PTPRT: variants seen among roughly 807,000 people sequenced by gnomAD.
PTPRT encodes the protein receptor-type tyrosine-protein phosphatase T.
In PTPRT, 56 loss-of-function variants were observed where a neutral mutation model predicts 176.8. That is an observed-to-expected ratio of 0.32 (90% CI 0.26 to 0.40). The LOEUF is 0.40. Ranked by LOEUF, PTPRT falls within the 10% of genes least tolerant of loss-of-function variation. The pLI, the probability that PTPRT is intolerant of heterozygous loss-of-function variation, is 1.00. For missense variants in PTPRT, 1,540 were observed against 1,908.2 expected, an observed-to-expected ratio of 0.81 and a Z score of 3.60; for synonymous variants, 783 against 739.0, an observed-to-expected ratio of 1.06 and a Z score of -0.96.
At chr20:43,003,445 T>C (rs1984694439) in intron 1 of PTPRT, among the ~76,000 whole-genome samples, 1 of 152,154 alleles carries the variant, frequency 6.6e-6, no homozygotes, top group African/African-American at 2.4e-5. Flanking sequence ...CAAGCTCTCC[T>C]CCAACCTCAA....
chr20:42,481,750 CT>C (rs1428457559), intron 7 of PTPRT, among the ~76,000 whole-genome samples: 1 of 150,096 alleles, frequency 6.7e-6, no homozygotes, highest in East Asian at 2.0e-4. Context: ...GACCGTGTCT[CT>C]AAAAGAAAAA....
intron 6 of PTPRT, among the ~76,000 whole-genome samples, chr20:42,747,177 G>A (rs1363709964): frequency 6.6e-6 from 1 of 152,140 alleles, no homozygotes; most frequent in African/African-American, 2.4e-5. Flanking sequence ...ACCTATAAAG[G>A]AGACAGAACT....
chr20:42,116,139 CAA>C, intron 21 of PTPRT: 1 of 707,602 alleles, frequency 1.4e-6, no homozygotes, highest in African/African-American at 1.8e-5. Context: ...AAAAAACAAA[CAA>C]AAAAAGGTTT....
chr20:42,426,051 G>A (rs1349399977), intron 9 of PTPRT, among the ~76,000 whole-genome samples: 1 of 152,102 alleles, frequency 6.6e-6, no homozygotes, highest in Non-Finnish European at 1.5e-5. Context: ...GTTCGTGAAA[G>A]TTGTCTGTGT....
chr20:42,559,100 T>C (rs1321143787), intron 7 of PTPRT, among the ~76,000 whole-genome samples: 1 of 152,178 alleles, frequency 6.6e-6, no homozygotes, highest in African/African-American at 2.4e-5. Context: ...GTGCTTATTA[T>C]GAACTATGGG....
chr20:42,883,988 C>T (rs145856550), intron 2 of PTPRT, among the ~76,000 whole-genome samples: 209 of 151,098 alleles, frequency 1.4e-3, no homozygotes, highest in African/African-American at 4.9e-3. Context: ...CATACACACA[C>T]GTATACACAC....
At chr20:42,680,970 G>A (rs570026776) in intron 6 of PTPRT, among the ~76,000 whole-genome samples, 35 of 152,178 alleles carry the variant, frequency 2.3e-4, no homozygotes, top group African/African-American at 6.7e-4. Context: ...AGTTTATCAC[G>A]GTGTTTCCTC....
chr20:42,873,190 G>A (rs536725134), intron 2 of PTPRT, among the ~76,000 whole-genome samples: 31 of 152,286 alleles, frequency 2.0e-4, no homozygotes, highest in African/African-American at 7.0e-4. Flanking sequence ...TGGATGCCTG[G>A]GAGTCATCAG....
chr20:42,202,096 A>G, intron 15 of PTPRT, among the ~76,000 whole-genome samples: 1 of 152,052 alleles, frequency 6.6e-6, no homozygotes, highest in Non-Finnish European at 1.5e-5. Context: ...CAGCCTCCAG[A>G]GTAGCTGGGA....
At chr20:42,085,956 T>C in intron 27 of PTPRT, 103 bp from the exon 28 acceptor site, 1 of 1,356,634 alleles carries the variant, frequency 7.4e-7, no homozygotes, top group Non-Finnish European at 9.9e-7. Context: ...CTTTTTCTTT[T>C]TTTTTTTTGA....
At chr20:42,626,808 T>C (rs1036878066) in intron 7 of PTPRT, among the ~76,000 whole-genome samples, 2 of 152,162 alleles carry the variant, frequency 1.3e-5, no homozygotes, top group African/African-American at 4.8e-5. Flanking sequence ...ACTTGACCAC[T>C]AAGGATCTGT....
intron 9 of PTPRT, among the ~76,000 whole-genome samples, chr20:42,359,768 C>A (rs1035718149): frequency 1.1e-4 from 16 of 152,258 alleles, no homozygotes; most frequent in Admixed American, 9.8e-4. Context: ...AGCCTGCAGG[C>A]TTGGTTGGCT....
At chr20:42,771,253 C>G (rs1253474776) in intron 5 of PTPRT, among the ~76,000 whole-genome samples, 182 bp downstream of exon 5, 1 of 152,208 alleles carries the variant, frequency 6.6e-6, no homozygotes, top group Non-Finnish European at 1.5e-5. Flanking sequence ...GCCCAGACCT[C>G]TCCCGCCTGG....
At chr20:43,013,280 T>A (rs1173168944) in intron 1 of PTPRT, among the ~76,000 whole-genome samples, 1 of 152,118 alleles carries the variant, frequency 6.6e-6, no homozygotes, top group Non-Finnish European at 1.5e-5. Flanking sequence ...AAATGACCCA[T>A]GTGTGGGGTA....
At chr20:43,045,295 A>C (rs1355194107) in intron 1 of PTPRT, among the ~76,000 whole-genome samples, 1 of 152,112 alleles carries the variant, frequency 6.6e-6, no homozygotes, top group Non-Finnish European at 1.5e-5. Context: ...ATTTCATTAG[A>C]GCTAACTGGT....
chr20:43,007,168 T>G (rs1173934465), intron 1 of PTPRT, among the ~76,000 whole-genome samples: 1 of 152,090 alleles, frequency 6.6e-6, no homozygotes, highest in Non-Finnish European at 1.5e-5. Flanking sequence ...ATGTAGAAAA[T>G]AAAGTACCCA....
intron 13 of PTPRT, among the ~76,000 whole-genome samples, chr20:42,268,299 T>C (rs993599481): frequency 2.6e-5 from 4 of 152,168 alleles, no homozygotes; most frequent in Admixed American, 6.5e-5. Context: ...AGGAGGAACA[T>C]TCAGACGCCT....
chr20:42,382,301 T>C (rs111998411), intron 9 of PTPRT, among the ~76,000 whole-genome samples: 5 of 152,286 alleles, frequency 3.3e-5, no homozygotes, highest in Admixed American at 6.5e-5. Context: ...GCTGAGAGGA[T>C]GGAGTTCGGG....
At chr20:43,034,381 G>A (rs536328146) in intron 1 of PTPRT, among the ~76,000 whole-genome samples, 1 of 152,160 alleles carries the variant, frequency 6.6e-6, no homozygotes, top group East Asian at 1.9e-4. Flanking sequence ...TGCTACTGCT[G>A]TTACCTGCCT....
Sources: allele counts gnomAD v4.1 joint callset (sites outside exome capture counted in the v4.1 genomes callset), GRCh38; gene constraint gnomAD v4.1.1; transcripts MANE v1.5; gene names NCBI Gene and HGNC (gene_info 2026-07-23, HGNC 2026-07-21).